The following NBPF14 variants were observed in gnomAD, a reference collection of about 807,000 sequenced individuals.
NBPF14 encodes the protein NBPF member 14.
In NBPF14, 104 loss-of-function variants were observed where a neutral mutation model predicts 91.2. The ratio of observed to expected loss-of-function variants is 1.14; its 90% CI spans 0.97 to 1.34. The LOEUF is 1.34. Among genes scored for constraint, NBPF14 ranks in the 40% most tolerant of loss-of-function variants. The pLI is 0.00. For missense variants in NBPF14, 908 were observed against 783.0 expected (o/e 1.16, Z -1.91); for synonymous variants, 294 against 303.8 (o/e 0.97, Z 0.34).
intron 39 of NBPF14, among the ~76,000 whole-genome samples, chr1:148,557,746 C>G (rs1455176779): frequency 2.4e-5 from 3 of 126,954 alleles, no homozygotes; most frequent in Non-Finnish European, 3.1e-5. Context: ...TATCCCCATT[C>G]TGGTAGATCG....
rs1324853254 is a variant in NBPF14 at position 148,575,953 on chromosome 1, T to C, written c.2079-142A>G. 4.2e-4 allele frequency: 220 copies of C among 529,564 alleles called. No homozygotes were observed. The East Asian group carries it at 4.5e-3, about 11-fold the overall frequency. 32.8% of individuals were successfully genotyped at this position (529,564 alleles called of 1,614,324 possible). On this transcript the variant is annotated intron_variant, in intron 16 of 70. Coordinates refer to ENST00000619423, the Ensembl canonical transcript of NBPF14. Reference sequence around the variant, plus strand: ...TAATGAGGTAATGAATTATTGCCTTTATGTTGGGATAGACCAGGGCCAGGT... The same window carrying C: ...TAATGAGGTAATGAATTATTGCCTTCATGTTGGGATAGACCAGGGCCAGGT...
At position 148,590,075 on chromosome 1, in the gene NBPF14, G is replaced by T. The variant is rs1347608677; in HGVS notation, c.778+682C>A. ...TTTTTTTTTTTTTTTTTGAGATGGAGTCTCGCTCTGTCTCCCAGGCTGGAG... is the reference window on the plus strand; with the variant it reads ...TTTTTTTTTTTTTTTTTGAGATGGATTCTCGCTCTGTCTCCCAGGCTGGAG... On this transcript the variant is annotated intron_variant, in intron 6 of 70. Transcript: ENST00000619423. Among the ~76,000 whole-genome samples, 105 of 119,194 alleles carry T rather than the reference G, an allele frequency of 8.8e-4. 2 individuals carry two copies. In the East Asian group the frequency reaches 0.022, roughly 25 times the overall value. 78.2% of individuals were successfully genotyped at this position (119,194 alleles called of 152,430 possible).
intron 29 of NBPF14, among the ~76,000 whole-genome samples, chr1:148,565,800 G>A (rs1658159028): frequency 1.3e-4 from 2 of 14,866 alleles, no homozygotes; most frequent in African/African-American, 2.3e-4. Flanking sequence ...ATGGTTGTGA[G>A]GACATTAGAC....
At position 148,578,153 on chromosome 1, in the gene NBPF14, T is replaced by C; in HGVS notation, c.1802-119A>G. On this transcript the variant is annotated intron_variant, in intron 13 of 70. Coordinates refer to ENST00000619423, the Ensembl canonical transcript of NBPF14. ...TTGTCAGTGTGAGAACAGGAGACTT[T>C]GAGAGAAATATTCCAGTAGGCCTGA... 4.0e-6 allele frequency: 3 copies of C among 750,742 alleles called. 1 individual carries two copies. The highest frequency in any genetic ancestry group is 2.8e-5 in the South Asian group (2 of 71,128). The allele number at this position is 750,742 out of a possible 1,614,324, so 46.5% of individuals were successfully genotyped here.
At chr1:148,533,815 C>A (rs1464305304) in intron 70 of NBPF14, 46 bp downstream of exon 70, 9 of 768,652 alleles carry the variant, frequency 1.2e-5, no homozygotes, top group Admixed American at 6.8e-5. Context: ...TCTGTTGCCT[C>A]CAGGAGTTAA....
chr1:148,589,757 G>A (rs1292785567), intron 6 of NBPF14, among the ~76,000 whole-genome samples: 6 of 145,100 alleles, frequency 4.1e-5, no homozygotes, highest in Non-Finnish European at 9.2e-5. Context: ...GTTTGAGACG[G>A]AGTCTCACTC....
At chr1:148,532,410 T>A (rs2149462917) in exon 71 of NBPF14, 1 of 162,464 alleles carries the variant, frequency 6.2e-6, no homozygotes, top group African/African-American at 2.4e-5. Flanking sequence ...TTTGTCCATC[T>A]AGCTGTGGTC....
At position 148,534,678 on chromosome 1, in the gene NBPF14, A is replaced by T; in HGVS notation, c.8614+6T>A. The T allele has an allele frequency of 2.5e-6, 2 of 800,228 alleles. No individual in the cohort carries two copies. The highest frequency in any genetic ancestry group is 4.5e-6 in the Non-Finnish European group (2 of 445,506). 49.6% of individuals were successfully genotyped at this position (800,228 alleles called of 1,614,324 possible). ...AGGCTTATCACCTTCATAGTAAGGT[A>T]CTCACTGTCCACGTCAAGAGCCAAG... On this transcript the variant is annotated splice_donor_region_variant and intron_variant, in intron 69 of 70. Transcript: ENST00000619423.
At chr1:148,534,719 T>A (rs1270069931) in exon 69 of NBPF14, 3 of 839,054 alleles carry the variant, frequency 3.6e-6, no homozygotes. Context: ...GTACTGTTCC[T>A]CCAATGAGTA....
rs1418315885 is a variant in NBPF14 at position 148,534,873 on chromosome 1, A to C, written c.8442-17T>G. On this transcript the variant is annotated splice_polypyrimidine_tract_variant and intron_variant, in intron 68 of 70. Coordinates refer to ENST00000619423, the Ensembl canonical transcript of NBPF14. The stretch of plus-strand genomic sequence containing the variant: ...CTGCTGAGCCTGGAAAAGTAGGAAA[A>C]AGTAAAGAATAAGCCAGGGGGAATC... 1.1e-5 allele frequency: 9 copies of C among 816,188 alleles called. No individual in the cohort carries two copies. The highest frequency in any genetic ancestry group is 1.9e-5 in the Non-Finnish European group (9 of 467,410). The allele number at this position is 816,188 out of a possible 1,614,324, so 50.6% of individuals were successfully genotyped here.
chr1:148,566,407 T>A, intron 28 of NBPF14, 92 bp from the exon 29 acceptor site: 1 of 625,926 alleles, frequency 1.6e-6, no homozygotes, highest in Non-Finnish European at 2.9e-6. Context: ...AGGGAAGTGG[T>A]TAAAAAACTA....
intron 2 of NBPF14, among the ~76,000 whole-genome samples, chr1:148,595,171 T>C (rs1663107954): frequency 6.8e-6 from 1 of 146,592 alleles, no homozygotes; most frequent in Non-Finnish European, 1.5e-5. Flanking sequence ...GAATAAAAGT[T>C]CACTAGTCCT....
chr1:148,572,877 A>C (rs1314615217), intron 20 of NBPF14, among the ~76,000 whole-genome samples: 1 of 24,948 alleles, frequency 4.0e-5, no homozygotes, highest in Admixed American at 4.0e-4. Flanking sequence ...CAGGTGACAT[A>C]CTGGTAAGGG....
intron 14 of NBPF14, 32 bp from the exon 15 acceptor site, chr1:148,577,387 C>T (rs1429466775): frequency 1.6e-6 from 1 of 642,526 alleles, no homozygotes; most frequent in East Asian, 2.8e-5. Context: ...AAGAATAAGC[C>T]AGGGGGAATC....
chr1:148,572,616 C>A lies in NBPF14; in HGVS notation c.2586-1G>T. The A allele has an allele frequency of 1.8e-6, 1 of 567,654 alleles. No individual in the cohort carries two copies. Among genetic ancestry groups the A allele is most frequent in the Non-Finnish European group, 3.0e-6 (1 of 328,496 alleles). 35.2% of individuals were successfully genotyped at this position (567,654 alleles called of 1,614,324 possible). A position where few individuals can be genotyped will look rare whatever the true frequency, so the allele number is the denominator to read the frequency against. On this transcript the variant is annotated splice_acceptor_variant, in intron 20 of 70. Transcript: ENST00000619423. LOFTEE classifies it high-confidence loss of function. ...CTCATCCAGCAGCTCCCTGCTGAGCCTGGAAAAGTGGGAAAAAGTAAAGAA... is the reference window on the plus strand; with the variant it reads ...CTCATCCAGCAGCTCCCTGCTGAGCATGGAAAAGTGGGAAAAAGTAAAGAA...
intron 14 of NBPF14, among the ~76,000 whole-genome samples, chr1:148,577,574 A>ACACT (rs1187358199): frequency 6.7e-6 from 1 of 149,324 alleles, no homozygotes; most frequent in South Asian, 2.1e-4. Flanking sequence ...ACACACACAC[A>ACACT]CACTCACACA....
chr1:148,559,452 G>T (rs1425422518), intron 37 of NBPF14, among the ~76,000 whole-genome samples: 2 of 132,538 alleles, frequency 1.5e-5, no homozygotes, highest in Non-Finnish European at 3.0e-5. Flanking sequence ...GAGGATTTCA[G>T]ACGCTGAAAT....
At position 148,587,166 on chromosome 1, in the gene NBPF14, G is replaced by T. The variant is rs1411726492; in HGVS notation, c.1091+135C>A. On this transcript the variant is annotated intron_variant, in intron 8 of 70. Transcript: ENST00000619423. ...TATCCTTCTTCTCTGATAAATATTT[G>T]TGTGTAGCGAGCCTGCCATGGCAAT... is the stretch of plus-strand genomic sequence containing the variant. 7.0e-6 allele frequency: 5 copies of T among 715,088 alleles called. 1 individual carries two copies. The highest frequency in any genetic ancestry group is 1.2e-5 in the Non-Finnish European group (5 of 403,330). 44.3% of individuals were successfully genotyped at this position (715,088 alleles called of 1,614,324 possible).
rs1412068613 is a variant in NBPF14 at position 148,559,414 on chromosome 1, A to C, written c.4730-342T>G. On this transcript the variant is annotated intron_variant, in intron 37 of 70. Coordinates refer to ENST00000619423, the Ensembl canonical transcript of NBPF14. The stretch of plus-strand genomic sequence containing the variant: ...AAAACTGCACTATTCACCCTGTCTC[A>C]TCAAATACTCAGATTGTTCATGGTA... 8.8e-4 allele frequency among the ~76,000 whole-genome samples: 118 copies of C among 134,220 alleles called. 9 individuals are homozygous for C. Among genetic ancestry groups the C allele is most frequent in the Non-Finnish European group, 1.3e-3 (88 of 66,996 alleles). The allele number at this position is 134,220 out of a possible 152,430, so 88.1% of individuals were successfully genotyped here.
Sources: allele counts gnomAD v4.1 joint callset (sites outside exome capture counted in the v4.1 genomes callset), GRCh38; gene constraint gnomAD v4.1.1; transcripts MANE v1.5; gene names NCBI Gene and HGNC (gene_info 2026-07-23, HGNC 2026-07-21).